The following MAX variants were observed in gnomAD, a reference collection of about 807,000 sequenced individuals.
MAX encodes the protein protein max.
MAX carries 3 observed loss-of-function variants against 22.3 expected under a neutral mutation model. The observed-to-expected ratio is 0.13, with a 90% CI of 0.06 to 0.35. The LOEUF is 0.35. MAX is among the 10% of genes least tolerant of loss of function. The pLI, the probability that MAX is intolerant of heterozygous loss-of-function variation, is 1.00. For synonymous variants in MAX, 72 were observed against 77.7 expected (o/e 0.93, Z 0.39); for missense variants, 119 against 209.4 (o/e 0.57, Z 2.66).
chr14:65,101,741 G>T (rs2063847113), intron 1 of MAX, 169 bp from the exon 2 acceptor site: 2 of 627,812 alleles, frequency 3.2e-6, no homozygotes, highest in Admixed American at 5.7e-5. Flanking sequence ...CACCCTCGGC[G>T]GGATCCGGTA....
intron 3 of MAX, among the ~76,000 whole-genome samples, chr14:65,026,074 A>G (rs936679296): frequency 1.3e-5 from 2 of 152,200 alleles, no homozygotes; most frequent in African/African-American, 2.4e-5. Flanking sequence ...AGAGTAGGCT[A>G]TGTAGTCTTT....
chr14:65,051,797 AT>A (rs776155113), intron 3 of MAX, among the ~76,000 whole-genome samples: 229 of 141,984 alleles, frequency 1.6e-3, no homozygotes, highest in East Asian at 2.0e-3. Flanking sequence ...CACCATAGGA[AT>A]TTTTTTTTTT....
At chr14:65,061,648 CATCCA>C in intron 3 of MAX, 56 of 223,264 alleles carry the variant, frequency 2.5e-4, no homozygotes, top group East Asian at 6.5e-4. Flanking sequence ...AGTATTACGG[CATCCA>C]GAGCCACTGC....
rs951131682 is a variant in MAX, at chr14:65,069,892, G to A, written c.171+23816C>T. 3.3e-5 allele frequency among the ~76,000 whole-genome samples: 5 copies of A among 152,234 alleles called. No homozygotes were observed. Among genetic ancestry groups the A allele is most frequent in the Non-Finnish European group, 7.3e-5 (5 of 68,046 alleles). On this transcript the variant is annotated intron_variant, in intron 3 of 3. Transcript: ENST00000341653. This position sits in a 1 kb window ranked among gnomAD's most constrained non-coding sequence, Gnocchi z 4.6. ...TACAGCCTTGCTGCAGTAGGTATTCGCTGTGGACATGACATTCCTCCTCTT... is the reference window on the plus strand; with the variant it reads ...TACAGCCTTGCTGCAGTAGGTATTCACTGTGGACATGACATTCCTCCTCTT...
At chr14:65,035,195 A>G (rs1001256430) in intron 3 of MAX, among the ~76,000 whole-genome samples, 4 of 151,856 alleles carry the variant, frequency 2.6e-5, no homozygotes, top group African/African-American at 9.7e-5. Flanking sequence ...GCCCGCCCTG[A>G]CCCCTGACCC....
At chr14:65,065,826 T>C (rs2062925971) in intron 3 of MAX, among the ~76,000 whole-genome samples, 1 of 152,212 alleles carries the variant, frequency 6.6e-6, no homozygotes, top group Non-Finnish European at 1.5e-5. Context: ...CCTCCTGTTC[T>C]ACCGCCTCTC....
chr14:65,090,871 C>T (rs1181264489), intron 3 of MAX, among the ~76,000 whole-genome samples: 2 of 152,002 alleles, frequency 1.3e-5, no homozygotes, highest in Admixed American at 6.6e-5. Context: ...AGTTTGGGTC[C>T]CACATTTAAA....
chr14:65,033,974 T>C (rs1024169529), intron 3 of MAX, among the ~76,000 whole-genome samples: 10 of 152,242 alleles, frequency 6.6e-5, no homozygotes, highest in African/African-American at 2.4e-4. Context: ...TGTATTACCA[T>C]ATAAATATAA....
chr14:65,087,164 G>A (rs1447141960), intron 3 of MAX, among the ~76,000 whole-genome samples: 1 of 152,234 alleles, frequency 6.6e-6, no homozygotes, highest in African/African-American at 2.4e-5. Context: ...GGAAACACCT[G>A]TATGTCCAGG....
At chr14:65,090,941 C>T (rs78213343) in intron 3 of MAX, among the ~76,000 whole-genome samples, 7,945 of 152,190 alleles carry the variant, frequency 0.052, 700 homozygotes, top group African/African-American at 0.18. Flanking sequence ...ATTCAATTAA[C>T]ATATTGCTTT....
chr14:65,059,886 T>G (rs2062822983), intron 3 of MAX, among the ~76,000 whole-genome samples: 1 of 147,602 alleles, frequency 6.8e-6, no homozygotes, highest in Admixed American at 6.9e-5. Context: ...CAGGTTAGAG[T>G]GCAGTGGCAC....
intron 3 of MAX, among the ~76,000 whole-genome samples, chr14:65,089,622 G>A (rs1342501483): frequency 1.3e-5 from 2 of 151,926 alleles, no homozygotes; most frequent in African/African-American, 2.4e-5. Flanking sequence ...ATACTCCCAT[G>A]TAAAGGCTGG....
intron 3 of MAX, among the ~76,000 whole-genome samples, chr14:65,065,259 CT>C (rs1177014472): frequency 2.0e-5 from 3 of 152,334 alleles, no homozygotes; most frequent in Admixed American, 1.3e-4. Flanking sequence ...TGCTCTGAGA[CT>C]GAGAAACATG....
At position 65,014,626 on chromosome 14, in the gene MAX, C is replaced by T. The variant is rs2061737300; in HGVS notation, c.172-8342G>A. Among the ~76,000 whole-genome samples, 1 of 152,100 alleles carries T rather than the reference C, an allele frequency of 6.6e-6. No individual in the cohort carries two copies. The highest frequency in any genetic ancestry group is 2.4e-5 in the African/African-American group (1 of 41,434). ...CCCAGGAGTTCAAGACCAGCCTGGG[C>T]AACATAGTGGGATGCTGTCTCTATA... On this transcript the variant is annotated intron_variant, in intron 3 of 3. Transcript: ENST00000341653. The surrounding 1 kb of genome is among the most constrained non-coding windows in gnomAD (Gnocchi z 5.1).
chr14:65,079,024 C>A lies in MAX; in HGVS notation c.172-988G>T, dbSNP rs148055330. Reference sequence around the variant, plus strand: ...GACTCCTGAACTGTACTCCTCCCATCTCCTCTGGTTCTTTAGGTTGCTTTA... The same window carrying A: ...GACTCCTGAACTGTACTCCTCCCATATCCTCTGGTTCTTTAGGTTGCTTTA... On this transcript the variant is annotated intron_variant, in intron 3 of 4. Transcript: ENST00000358664. This position sits in a 1 kb window ranked among gnomAD's most constrained non-coding sequence, Gnocchi z 4.5. Among the ~76,000 whole-genome samples the A allele has an allele frequency of 6.6e-6, 1 of 152,334 alleles. No homozygotes were observed. Among genetic ancestry groups the A allele is most frequent in the African/African-American group, 2.4e-5 (1 of 41,584 alleles).
At position 65,012,628 on chromosome 14, in the gene MAX, A is replaced by T. The variant is rs79301678; in HGVS notation, c.172-6344T>A. Among the ~76,000 whole-genome samples, 1,396 of 152,272 alleles carry T rather than the reference A, an allele frequency of 9.2e-3. 21 individuals carry two copies. The highest frequency in any genetic ancestry group is 0.031 in the African/African-American group (1,295 of 41,556). On this transcript the variant is annotated intron_variant, in intron 3 of 3. Transcript: ENST00000341653. The surrounding 1 kb of genome is among the most constrained non-coding windows in gnomAD (Gnocchi z 5.0). Reference sequence around the variant, plus strand: ...AGATAGGATGGGGCTTTCTTCTGTTACTAGATGATGACTAAGGGGTTCACG... The same window carrying T: ...AGATAGGATGGGGCTTTCTTCTGTTTCTAGATGATGACTAAGGGGTTCACG...
At position 65,023,914 on chromosome 14, in the gene MAX, A is replaced by G. The variant is rs2061932218; in HGVS notation, c.172-17630T>C. 6.6e-6 allele frequency among the ~76,000 whole-genome samples: 1 copy of G among 152,140 alleles called. No individual in the cohort carries two copies. Among genetic ancestry groups the G allele is most frequent in the South Asian group, 2.1e-4 (1 of 4,824 alleles). On this transcript the variant is annotated intron_variant, in intron 3 of 3. Coordinates refer to the MAX transcript ENST00000341653. The surrounding 1 kb of genome is among the most constrained non-coding windows in gnomAD (Gnocchi z 4.1). ...TCGGGAGTTCGAGACCAGCCTGGGC[A>G]ACACAGTGAAACCCTGACTCTACTA...
rs2061690214 is a variant in MAX at position 65,011,958 on chromosome 14, G to A, written c.172-5674C>T. Reference sequence around the variant, plus strand: ...ATTTAAATTGCTTATAGGATGGGGAGGCACAAAGATATCTGTTCTTAGATG... The same window carrying A: ...ATTTAAATTGCTTATAGGATGGGGAAGCACAAAGATATCTGTTCTTAGATG... On this transcript the variant is annotated intron_variant, in intron 3 of 3. Transcript: ENST00000341653. The surrounding 1 kb of genome is among the most constrained non-coding windows in gnomAD (Gnocchi z 4.0). 6.6e-6 allele frequency among the ~76,000 whole-genome samples: 1 copy of A among 152,178 alleles called. No homozygotes were observed. Among genetic ancestry groups the A allele is most frequent in the Non-Finnish European group, 1.5e-5 (1 of 68,024 alleles).
intron 3 of MAX, among the ~76,000 whole-genome samples, chr14:65,067,938 G>GT (rs2062948136): frequency 6.6e-6 from 1 of 151,782 alleles, no homozygotes; most frequent in South Asian, 2.1e-4. Context: ...CAGACCATGC[G>GT]TAACAGTTTT....
Sources: gnomAD v4.1 joint callset for allele counts (sites outside exome capture counted in the v4.1 genomes callset) on GRCh38, gnomAD v4.1.1 for gene constraint, Gnocchi (gnomAD v3.1) non-coding constraint, MANE v1.5 for transcripts, NCBI Gene and HGNC (gene_info 2026-07-23, HGNC 2026-07-21) for gene names.